TMEM25: variants seen among roughly 807,000 people sequenced by gnomAD.
TMEM25 encodes the protein transmembrane protein 25, also known as 0610039J01Rik.
A neutral mutation model predicts 37.0 loss-of-function variants in TMEM25; 36 were observed. The ratio of observed to expected loss-of-function variants is 0.97; its 90% CI spans 0.75 to 1.28. The LOEUF is 1.28. Ranked by LOEUF, TMEM25 falls within the 50% of genes most tolerant of loss-of-function variation. The pLI is 0.00. For missense variants in TMEM25, 444 were observed against 477.9 expected (o/e 0.93, Z 0.66); for synonymous variants, 197 against 203.7 (o/e 0.97, Z 0.28).
exon 9 of TMEM25, chr11:118,546,216 G>A (rs1276477477): frequency 2.8e-6 from 2 of 715,696 alleles, no homozygotes; most frequent in Admixed American, 2.0e-5. Flanking sequence ...ATCAATCTTG[G>A]TGGGGCGTGG....
In TMEM25 at chr11:118,531,213, C is replaced by G. The variant is rs905854580; in HGVS notation, c.-49C>G. ...CATCAGACCTGAGCAGTTGCTCCGG[C>G]GGCGCTCGGGGAGGGAGCCAGGTGA... On this transcript the variant is annotated 5_prime_UTR_variant, in exon 1 of 9. Transcript: ENST00000313236. 7 of 463,350 alleles carry G rather than the reference C, an allele frequency of 1.5e-5. No individual in the cohort carries two copies. The highest frequency in any genetic ancestry group is 2.7e-5 in the Non-Finnish European group (7 of 259,780). The allele number at this position is 463,350 out of a possible 1,614,324, so 28.7% of individuals were successfully genotyped here.
Position 118,532,184 on chromosome 11 carries a change from G to A in TMEM25, c.105G>A (p.Gln35=), listed in dbSNP as rs781881619. 1 of 1,595,606 alleles carries A rather than the reference G, an allele frequency of 6.3e-7. No homozygotes were observed. Among genetic ancestry groups the A allele is most frequent in the East Asian group, 2.2e-5 (1 of 44,770 alleles). Residue 35 remains glutamine (Q), a synonymous_variant, in exon 3 of 9, where the codon CAG becomes CAA. Coordinates refer to ENST00000313236, the MANE Select transcript of TMEM25 (RefSeq NM_032780.4). ...AGTTGGAGCCACAAATAGATGGTCA[G>A]ACCTGGGCTGAGCGGGCACTTCGGG... ...WGELEPQIDG[Q]TWAERALREN...
chr11:118,546,180 G>A, exon 9 of TMEM25: 1 of 718,328 alleles, frequency 1.4e-6, no homozygotes, highest in South Asian at 1.5e-5. Flanking sequence ...CACAGAAGAT[G>A]GCCAAGAAGA....
chr11:118,545,903 C>G (rs782603794), intron 8 of TMEM25: 4 of 1,504,778 alleles, frequency 2.7e-6, no homozygotes, highest in Non-Finnish European at 3.7e-6. Flanking sequence ...GTCAGTGGTC[C>G]CAGAACCACT....
rs143259331 is a variant in TMEM25, at chr11:118,534,542, C to G, written c.1063C>G (p.Arg355Gly). Reference sequence around the variant, plus strand: ...CCTCCCAGTGCTGGGCTATATCTATCGAGTGTCCAGCGTGAGCAGTGATGA... The same window carrying G: ...CCTCCCAGTGCTGGGCTATATCTATGGAGTGTCCAGCGTGAGCAGTGATGA... ...IRLPVLGYIY[R>G]VSSVSSDEIW... is the part of the protein sequence containing the mutation. The change falls in exon 9 of 9, where the codon CGA becomes GGA. Residue 355 changes from arginine to glycine, a missense_variant. Arg to Gly is a moderately radical substitution (Grantham distance 125). Transcript: ENST00000313236. This position sits in a 1 kb window ranked among gnomAD's most constrained non-coding sequence, Gnocchi z 4.6. 9 of 1,614,094 alleles carry G rather than the reference C, an allele frequency of 5.6e-6. No homozygotes were observed. The East Asian group carries it at 6.7e-5, about 12-fold the overall frequency.
chr11:118,542,055 CT>C (rs1247346589), intron 8 of TMEM25, among the ~76,000 whole-genome samples: 1 of 152,224 alleles, frequency 6.6e-6, no homozygotes, highest in Admixed American at 6.5e-5. Flanking sequence ...TGTGCCTGGC[CT>C]TTTTAGCTCC....
chr11:118,545,314 A>G (rs2135460372), intron 8 of TMEM25: 3 of 921,954 alleles, frequency 3.3e-6, no homozygotes, highest in East Asian at 4.8e-5. Flanking sequence ...GAGACATCCT[A>G]CATCGCTATA....
downstream of TMEM25, among the ~76,000 whole-genome samples, chr11:118,536,027 A>G (rs1243198951): frequency 1.3e-5 from 2 of 151,444 alleles, no homozygotes; most frequent in Non-Finnish European, 2.9e-5. Flanking sequence ...GTAGACGCCT[A>G]CCACCACGCC....
chr11:118,544,740 A>C (rs1555066578), intron 8 of TMEM25: 14 of 589,706 alleles, frequency 2.4e-5, no homozygotes, highest in Admixed American at 1.2e-4. Flanking sequence ...TGAGGCAGGC[A>C]GGTTCATTAA....
chr11:118,533,294 C>T (rs1192417985), intron 4 of TMEM25, 87 bp downstream of exon 4: 2 of 1,563,476 alleles, frequency 1.3e-6, no homozygotes, highest in Middle Eastern at 2.3e-4. Flanking sequence ...ACTTGTTGCC[C>T]TGTGGTTGGG....
chr11:118,533,847 T>C lies in TMEM25; in HGVS notation c.806-10T>C, dbSNP rs1951413118. On this transcript the variant is annotated splice_polypyrimidine_tract_variant and intron_variant, in intron 5 of 8. Transcript: ENST00000313236. ...ACTGAGAATTAGGGACATGGTTTCT[T>C]TCTCCACAGGCCCCTCCCGGCACCC... The C allele has an allele frequency of 6.2e-7, 1 of 1,613,852 alleles. No individual in the cohort carries two copies. The highest frequency in any genetic ancestry group is 1.3e-5 in the African/African-American group (1 of 74,914).
intron 2 of TMEM25, 64 bp from the exon 3 acceptor site, chr11:118,532,086 C>T: frequency 6.9e-7 from 1 of 1,457,356 alleles, no homozygotes; most frequent in Admixed American, 2.6e-5. Context: ...TGGGCCAATT[C>T]CTGGTCACAG....
intron 8 of TMEM25, among the ~76,000 whole-genome samples, chr11:118,540,856 G>A (rs1951568972): frequency 6.6e-6 from 1 of 152,136 alleles, no homozygotes; most frequent in African/African-American, 2.4e-5. Flanking sequence ...AAACCCAAAA[G>A]ATCACACGTT....
At chr11:118,544,474 G>C (rs1206260994) in intron 8 of TMEM25, 2 of 156,102 alleles carry the variant, frequency 1.3e-5, no homozygotes, top group Non-Finnish European at 2.8e-5. Context: ...CTGTGTCTCT[G>C]CGTTATGCTC....
At chr11:118,536,499 A>G (rs114447302), downstream of TMEM25, among the ~76,000 whole-genome samples, 487 of 152,270 alleles carry the variant, frequency 3.2e-3, 3 homozygotes, top group African/African-American at 0.011. Context: ...CCGGCCTAAT[A>G]TGTTTTTTAA....
downstream of TMEM25, among the ~76,000 whole-genome samples, chr11:118,539,406 T>C (rs1951549915): frequency 6.6e-6 from 1 of 152,102 alleles, no homozygotes; most frequent in African/African-American, 2.4e-5. Flanking sequence ...GACCTCGTGA[T>C]CCACCTGCCT....
Position 118,533,432 on chromosome 11 carries a change from C to T in TMEM25, c.686C>T (p.Thr229Ile). The T allele has an allele frequency of 6.2e-7, 1 of 1,613,882 alleles. No homozygotes were observed. Among genetic ancestry groups the T allele is most frequent in the Non-Finnish European group, 8.5e-7 (1 of 1,180,004 alleles). ...GGACATCCTCCAGGGCTTCTGGCTACCCGGGTGGAAGTGCCACTGCTGGGC... is the reference window on the plus strand; with the variant it reads ...GGACATCCTCCAGGGCTTCTGGCTATCCGGGTGGAAGTGCCACTGCTGGGC... ...ASLPAPGLLATRVEVPLLGIV... is the reference protein window; with the variant it reads ...ASLPAPGLLAIRVEVPLLGIV... The change falls in exon 5 of 9, where the codon ACC becomes ATC. Residue 229 changes from threonine (T) to isoleucine (I), a missense_variant. Transcript: ENST00000313236.
rs782044055 is a variant in TMEM25, at chr11:118,534,118, C to T, written c.926C>T (p.Pro309Leu). 1 of 1,614,162 alleles carries T rather than the reference C, an allele frequency of 6.2e-7. No individual in the cohort carries two copies. The highest frequency in any genetic ancestry group is 1.6e-4 in the Middle Eastern group (1 of 6,062). ...AACCTTCAGCTCAATGACCTCACTC[C>T]AGATTCCAGAGGTATATCTAGGGCC... ...PSNLQLNDLT[P>L]DSRAVKPADR... Residue 309 changes from proline (P) to leucine (L), a missense_variant, in exon 7 of 9, where the codon CCA (proline) becomes CTA (leucine). Coordinates refer to ENST00000313236, the MANE Select transcript of TMEM25 (RefSeq NM_032780.4). The surrounding 1 kb of genome is among the most constrained non-coding windows in gnomAD (Gnocchi z 4.6).
At chr11:118,544,368 G>A (rs1591353800) in intron 8 of TMEM25, among the ~76,000 whole-genome samples, 3 of 152,240 alleles carry the variant, frequency 2.0e-5, no homozygotes, top group South Asian at 4.1e-4. Flanking sequence ...GATTCCCCTC[G>A]ACTGCCAATC....
Sources: allele counts gnomAD v4.1 joint callset (sites outside exome capture counted in the v4.1 genomes callset), GRCh38; gene constraint gnomAD v4.1.1; non-coding constraint Gnocchi (gnomAD v3.1); transcripts MANE v1.5; gene names NCBI Gene and HGNC (gene_info 2026-07-23, HGNC 2026-07-21).